Variants in CDON observed in about 807,000 individuals in gnomAD.
CDON encodes the protein cell adhesion molecule-related/down-regulated by oncogenes.
In CDON, 73 loss-of-function variants were observed where a neutral mutation model predicts 120.9. That is an observed-to-expected ratio of 0.60 (90% CI 0.50 to 0.73). The LOEUF (loss-of-function observed/expected upper bound fraction) is 0.73. Among genes scored for constraint, CDON ranks in the 30% least tolerant of loss-of-function variants. The probability of loss-of-function intolerance (pLI) is 0.00; values close to 1 mark genes in which losing one functional copy is unlikely to be tolerated. For synonymous variants in CDON, 566 were observed against 573.5 expected, an observed-to-expected ratio of 0.99 and a Z score of 0.19; for missense variants, 1,470 against 1,587.3, an observed-to-expected ratio of 0.93 and a Z score of 1.26.
At chr11:125,977,249 C>T (rs1946172738) in intron 18 of CDON, among the ~76,000 whole-genome samples, 1 of 152,194 alleles carries the variant, frequency 6.6e-6, no homozygotes, top group African/African-American at 2.4e-5. Flanking sequence ...CTTTTATAGA[C>T]ACCCTGAAAT....
intron 14 of CDON, 149 bp downstream of exon 14, chr11:125,994,134 AG>A: frequency 1.5e-6 from 1 of 663,598 alleles, no homozygotes; most frequent in Non-Finnish European, 2.8e-6. Flanking sequence ...AAGCGGGAAA[AG>A]GTGGCTTTCT....
At position 125,984,133 on chromosome 11, in the gene CDON, T is replaced by C. The variant is rs566229733; in HGVS notation, c.2774-40A>G. 26 of 1,360,620 alleles carry C rather than the reference T, an allele frequency of 1.9e-5. No individual in the cohort carries two copies. In the South Asian group the frequency reaches 2.8e-4, roughly 15 times the overall value. 84.3% of individuals were successfully genotyped at this position (1,360,620 alleles called of 1,614,324 possible). ...AAGGAAAACATGATGTCAGAGTGAA[T>C]ACAGACTCCATGAAATGGTTTACTC... On this transcript the variant is annotated intron_variant, in intron 15 of 19. Transcript: ENST00000531738.
chr11:125,990,016 T>C (rs1315193883), intron 14 of CDON, among the ~76,000 whole-genome samples: 1 of 152,180 alleles, frequency 6.6e-6, no homozygotes, highest in Non-Finnish European at 1.5e-5. Flanking sequence ...GCAATAATAC[T>C]TGTTTCACTA....
At chr11:125,984,212 A>C (rs1260308240) in intron 15 of CDON, 119 bp from the exon 16 acceptor site, 3 of 740,934 alleles carry the variant, frequency 4.0e-6, no homozygotes, top group South Asian at 3.0e-5. Context: ...CTTGTTACTG[A>C]GATGACCTGA....
chr11:126,048,701 TTA>T (rs1491255184), intron 1 of CDON, among the ~76,000 whole-genome samples: 2 of 145,304 alleles, frequency 1.4e-5, no homozygotes, highest in African/African-American at 5.3e-5. Flanking sequence ...AACAATTTAG[TTA>T]TTTTTTTTTT....
At chr11:126,018,559 T>C in intron 4 of CDON, 86 bp from the exon 5 acceptor site, 2 of 1,143,290 alleles carry the variant, frequency 1.7e-6, no homozygotes, top group Admixed American at 1.7e-5. Flanking sequence ...CTGATCATTA[T>C]GCTCTATTCC....
At chr11:126,028,408 G>A (rs1329761359) in intron 1 of CDON, among the ~76,000 whole-genome samples, 1 of 149,076 alleles carries the variant, frequency 6.7e-6, no homozygotes, top group Non-Finnish European at 1.5e-5. Context: ...CTGTCACCCA[G>A]GCTGGAGTGC....
At chr11:126,050,677 C>T (rs370746935) in intron 1 of CDON, among the ~76,000 whole-genome samples, 7 of 152,134 alleles carry the variant, frequency 4.6e-5, no homozygotes, top group South Asian at 2.1e-4. Context: ...TTGTAATTGC[C>T]GAAATACAAA....
intron 1 of CDON, among the ~76,000 whole-genome samples, chr11:126,026,291 G>C (rs907002080): frequency 2.6e-5 from 4 of 152,078 alleles, no homozygotes; most frequent in African/African-American, 9.7e-5. Flanking sequence ...TATATGCCAG[G>C]CACTATGCTA....
chr11:126,051,391 G>A lies in CDON; in HGVS notation c.-62+11188C>T, dbSNP rs115828299. On this transcript the variant is annotated intron_variant, in intron 1 of 19. Transcript: ENST00000531738. ...ATTTTGGATATTACTTTCAAGGAGG[G>A]TGGAATGCATTAGCCTGGATTTACC... 7.2e-3 allele frequency among the ~76,000 whole-genome samples: 1,096 copies of A among 152,248 alleles called. 14 individuals are homozygous for A. The highest frequency in any genetic ancestry group is 0.025 in the African/African-American group (1,020 of 41,538).
In CDON at chr11:126,040,086, C is replaced by CAAAT. The variant is rs1263741836; in HGVS notation, c.-61-16553_-61-16550dup. Among the ~76,000 whole-genome samples, 11 of 152,050 alleles carry CAAAT rather than the reference C, an allele frequency of 7.2e-5. 1 individual carries two copies. Among genetic ancestry groups the CAAAT allele is most frequent in the East Asian group, 5.8e-4 (3 of 5,202 alleles). ...ATGATCCTACCTGACTCACTATACT[C>CAAAT]AAATAAATAAATAAATAAGTAAAAG... On this transcript the variant is annotated intron_variant, in intron 1 of 19. Transcript: ENST00000531738.
chr11:125,972,895 G>GTA (rs1946041774), intron 18 of CDON, among the ~76,000 whole-genome samples: 1 of 63,282 alleles, frequency 1.6e-5, no homozygotes, highest in Non-Finnish European at 3.2e-5. Flanking sequence ...CTCTCCAGAA[G>GTA]TATACTGTGG....
chr11:126,004,939 T>C (rs569245863), intron 9 of CDON, among the ~76,000 whole-genome samples: 1 of 152,262 alleles, frequency 6.6e-6, no homozygotes, highest in East Asian at 1.9e-4. Context: ...TTTGAAGAGT[T>C]AACTGAGAGA....
intron 18 of CDON, among the ~76,000 whole-genome samples, chr11:125,969,570 G>A (rs1193468160): frequency 1.3e-5 from 2 of 152,142 alleles, no homozygotes; most frequent in African/African-American, 2.4e-5. Context: ...GGCTTAAGGT[G>A]GAATAAAAGT....
At chr11:125,961,169 TA>T (rs1945634034) in intron 19 of CDON, 64 bp from the exon 20 acceptor site, 2 of 1,441,902 alleles carry the variant, frequency 1.4e-6, no homozygotes, top group South Asian at 2.4e-5. Context: ...CAAAGCAGTC[TA>T]AAAACTTCTT....
chr11:126,049,640 T>G (rs982274219), intron 1 of CDON, among the ~76,000 whole-genome samples: 1 of 152,212 alleles, frequency 6.6e-6, no homozygotes, highest in African/African-American at 2.4e-5. Flanking sequence ...TGGCCTGCAT[T>G]ACACAGTGAT....
chr11:125,965,943 T>C (rs1555113473), intron 18 of CDON, among the ~76,000 whole-genome samples: 1 of 152,132 alleles, frequency 6.6e-6, no homozygotes, highest in Non-Finnish European at 1.5e-5. Context: ...GAGACAAGCC[T>C]GACCAACATG....
At position 125,957,368 on chromosome 11, in the gene CDON, G is replaced by A. The variant is rs1013082910; in HGVS notation, c.*3574C>T. On this transcript the variant is annotated 3_prime_UTR_variant, in exon 20 of 20. Coordinates refer to ENST00000531738, the MANE Select transcript of CDON (RefSeq NM_001378964.1). Reference sequence around the variant, plus strand: ...GTGGGGGGTTCCAAAGAATTTCAGAGGAAGACATTCGCCCACCCCAATCAC... The same window carrying A: ...GTGGGGGGTTCCAAAGAATTTCAGAAGAAGACATTCGCCCACCCCAATCAC... 1 of 152,206 alleles carries A rather than the reference G, an allele frequency of 6.6e-6. No homozygotes were observed. Among genetic ancestry groups the A allele is most frequent in the African/African-American group, 2.4e-5 (1 of 41,422 alleles). 9.4% of individuals were successfully genotyped at this position (152,206 alleles called of 1,614,324 possible).
At chr11:126,013,279 T>A (rs1947358385) in intron 7 of CDON, among the ~76,000 whole-genome samples, 1 of 152,222 alleles carries the variant, frequency 6.6e-6, no homozygotes, top group Non-Finnish European at 1.5e-5. Flanking sequence ...TAAATGAGAT[T>A]GGGCTTTGAT....
Sources: allele counts gnomAD v4.1 joint callset (sites outside exome capture counted in the v4.1 genomes callset), GRCh38; gene constraint gnomAD v4.1.1; transcripts MANE v1.5; gene names NCBI Gene and HGNC (gene_info 2026-07-23, HGNC 2026-07-21).